Variants in PHYKPL observed in about 807,000 individuals in gnomAD.
PHYKPL encodes 5-phosphonooxy-L-lysine phospho-lyase.
In PHYKPL, 42 loss-of-function variants were observed where a neutral mutation model predicts 51.3. The observed-to-expected ratio is 0.82, with a 90% CI of 0.64 to 1.06. The LOEUF is 1.06. Among genes scored for constraint, PHYKPL ranks in the 50% least tolerant of loss-of-function variants. The pLI is 0.00. For synonymous variants in PHYKPL, 264 were observed against 236.0 expected, an observed-to-expected ratio of 1.12 and a Z score of -1.09; for missense variants, 655 against 586.6, an observed-to-expected ratio of 1.12 and a Z score of -1.20.
chr5:178,218,095 T>G (rs1425572159), intron 8 of PHYKPL, among the ~76,000 whole-genome samples: 1 of 111,510 alleles, frequency 9.0e-6, no homozygotes, highest in Non-Finnish European at 1.8e-5. Context: ...CGGGCGCCTG[T>G]AGTCCCAGCT....
At position 178,230,100 on chromosome 5, in the gene PHYKPL, C is replaced by A; in HGVS notation, c.179-1G>T. 1.2e-6 allele frequency: 2 copies of A among 1,613,766 alleles called. No homozygotes were observed. Among genetic ancestry groups the A allele is most frequent in the Non-Finnish European group, 1.7e-6 (2 of 1,179,942 alleles). On this transcript the variant is annotated splice_acceptor_variant, in intron 2 of 12. Transcript: ENST00000308158. LOFTEE classifies it high-confidence loss of function. ...ACCACGAGAGGGTGGCAGTGCCCAA[C>A]TGGAAGAGGGCCGCCTCCGTCACAC... is the stretch of plus-strand genomic sequence containing the variant.
At chr5:178,210,161 G>T (rs780241934) in intron 12 of PHYKPL, 2 of 1,613,906 alleles carry the variant, frequency 1.2e-6, no homozygotes, top group Non-Finnish European at 8.5e-7. Flanking sequence ...TCAGGGCTAC[G>T]GCAACTACTG....
chr5:178,225,161 C>T (rs1762040359), intron 4 of PHYKPL, among the ~76,000 whole-genome samples, 194 bp downstream of exon 4: 1 of 152,188 alleles, frequency 6.6e-6, no homozygotes, highest in Admixed American at 6.5e-5. Flanking sequence ...CCAGAGCTGC[C>T]TTCCCAGAAT....
At chr5:178,231,863 G>A (rs745624313) in intron 1 of PHYKPL, 16 of 1,333,758 alleles carry the variant, frequency 1.2e-5, no homozygotes, top group African/African-American at 1.5e-5. Flanking sequence ...ATAAGGCCGC[G>A]TGTCTTCGAT....
Position 178,213,016 on chromosome 5 carries a change from G to C in PHYKPL, c.1260C>G (p.Asp420Glu), listed in dbSNP as rs1387372979. 3 of 1,614,202 alleles carry C rather than the reference G, an allele frequency of 1.9e-6. No individual in the cohort carries two copies. The highest frequency in any genetic ancestry group is 2.5e-6 in the Non-Finnish European group (3 of 1,180,034). ...GCTTTGCCACCACCTGCCGTGCATT[G>C]TCCAGGCTGAAGCACATTGGGGGCT... is the stretch of plus-strand genomic sequence containing the variant. ...KFKPPMCFSLDNARQVVAKLD... is the reference protein window; with the variant it reads ...KFKPPMCFSLENARQVVAKLD... The change falls in exon 11 of 13, where the codon GAC becomes GAG. Residue 420 changes from aspartate (D) to glutamate (E), a missense_variant. Coordinates refer to ENST00000308158, the MANE Select transcript of PHYKPL (RefSeq NM_153373.4).
intron 8 of PHYKPL, chr5:178,215,683 T>C (rs1181539860): frequency 4.1e-6 from 2 of 486,586 alleles, no homozygotes; most frequent in Non-Finnish European, 7.2e-6. Context: ...CCCTAGAAGA[T>C]ACAGAATCAG....
chr5:178,210,745 TA>T lies in PHYKPL; in HGVS notation c.*31+1144del. On this transcript the variant is annotated intron_variant, in intron 12 of 12. Transcript: ENST00000308158. The stretch of plus-strand genomic sequence containing the variant: ...TTGCCTGTCCCATGTGCATCTTATT[TA>T]AAATTTCCCCCATGGAAATCACTCT... 2 of 756,112 alleles carry T rather than the reference TA, an allele frequency of 2.6e-6. 1 individual carries two copies. The highest frequency in any genetic ancestry group is 3.1e-5 in the South Asian group (2 of 65,444). The allele number at this position is 756,112 out of a possible 1,614,324, so 46.8% of individuals were successfully genotyped here.
chr5:178,232,814 A>ACGCGCCCCGGGC (rs1434167520), upstream of PHYKPL: 32 of 289,526 alleles, frequency 1.1e-4, no homozygotes, highest in Admixed American at 8.4e-4. Flanking sequence ...TGGTTCCGGG[A>ACGCGCCCCGGGC]CGCGCCCCGG....
intron 3 of PHYKPL, chr5:178,228,698 C>T (rs561639540): frequency 1.5e-6 from 1 of 684,978 alleles, no homozygotes. Flanking sequence ...ACGCCACCAC[C>T]TACGATTTGT....
intron 8 of PHYKPL, among the ~76,000 whole-genome samples, chr5:178,218,216 C>CAAAAAAAAAAAAAAAAAA (rs777929826): frequency 3.4e-5 from 2 of 58,270 alleles, no homozygotes; most frequent in Non-Finnish European, 5.9e-5. Context: ...AACTCCGTCT[C>CAAAAAAAAAAAAAAAAAA]AAAAAAAAAA....
At chr5:178,210,600 C>G in intron 12 of PHYKPL, 2 of 1,614,044 alleles carry the variant, frequency 1.2e-6, no homozygotes, top group Non-Finnish European at 8.5e-7. Context: ...TGGTGGCCAT[C>G]AGAATAACTA....
At chr5:178,225,676 G>C in intron 3 of PHYKPL, 1 of 529,680 alleles carries the variant, frequency 1.9e-6, no homozygotes, top group East Asian at 3.1e-5. Context: ...TGTCATGAAA[G>C]TTGTTTTGAA....
Position 178,232,211 on chromosome 5 carries a change from C to T in PHYKPL, c.59+281G>A. 7.2e-6 allele frequency: 9 copies of T among 1,255,600 alleles called. No homozygotes were observed. The South Asian group carries it at 1.9e-4, about 27-fold the overall frequency. The allele number at this position is 1,255,600 out of a possible 1,614,324, so 77.8% of individuals were successfully genotyped here. ...AGGCTGCCAAGCGAGGCTGACACAGCCGAACAGCGGTGAGGGCGGGGCCGT... is the reference window on the plus strand; with the variant it reads ...AGGCTGCCAAGCGAGGCTGACACAGTCGAACAGCGGTGAGGGCGGGGCCGT... On this transcript the variant is annotated intron_variant, in intron 1 of 12. Transcript: ENST00000308158.
At position 178,222,434 on chromosome 5, in the gene PHYKPL, C is replaced by T; in HGVS notation, c.848G>A (p.Gly283Asp). 2.5e-6 allele frequency: 4 copies of T among 1,614,268 alleles called. No individual in the cohort carries two copies. The highest frequency in any genetic ancestry group is 2.2e-5 in the South Asian group (2 of 91,092). ...IVTMGKSIGN[G>D]HPVACVAATQ... ...TGCGGCCACGCAGGCAACAGGGTGG[C>T]CGTTGCCAATGGACTTGCCCATGGT... Residue 283 changes from glycine to aspartate, a missense_variant, in exon 8 of 13, where the codon GGC becomes GAC. Gly to Asp is a moderately conservative substitution (Grantham distance 94, BLOSUM62 -1). Coordinates refer to ENST00000308158, the MANE Select transcript of PHYKPL (RefSeq NM_153373.4).
downstream of PHYKPL, chr5:178,207,169 G>A: frequency 6.2e-7 from 1 of 1,614,172 alleles, no homozygotes; most frequent in South Asian, 1.1e-5. Flanking sequence ...CTTTAAAGAA[G>A]AAGAACCCGT....
intron 12 of PHYKPL, chr5:178,211,158 C>G (rs1290152734): frequency 6.4e-6 from 1 of 156,606 alleles, no homozygotes; most frequent in Non-Finnish European, 1.4e-5. Flanking sequence ...ATTTAAAAAC[C>G]CCCAAGCCTG....
rs1261257979 is a variant in PHYKPL, at chr5:178,224,442, G to A, written c.618+6C>T. 14 of 1,567,616 alleles carry A rather than the reference G, an allele frequency of 8.9e-6. No homozygotes were observed. Among genetic ancestry groups the A allele is most frequent in the Admixed American group, 7.1e-5 (4 of 56,330 alleles). On this transcript the variant is annotated splice_donor_region_variant and intron_variant, in intron 6 of 12. Transcript: ENST00000308158. ...GGCTGGATTGGACAGGCGCGGACAC[G>A]GTTACCTTCCTGCCCTTCTCCTGTG...
chr5:178,214,366 C>T (rs1321959303), intron 10 of PHYKPL, among the ~76,000 whole-genome samples: 1 of 152,102 alleles, frequency 6.6e-6, no homozygotes, highest in Non-Finnish European at 1.5e-5. Flanking sequence ...CTTGTCCATC[C>T]CAACCACCTG....
chr5:178,232,423 T>C (rs892928521), intron 1 of PHYKPL, 69 bp downstream of exon 1: 3 of 1,361,448 alleles, frequency 2.2e-6, no homozygotes, highest in Non-Finnish European at 1.9e-6. Context: ...CGTGCGTGCG[T>C]GCGTCGTGCG....
Sources: allele counts gnomAD v4.1 joint callset (sites outside exome capture counted in the v4.1 genomes callset), GRCh38; gene constraint gnomAD v4.1.1; transcripts MANE v1.5; gene names NCBI Gene and HGNC (gene_info 2026-07-23, HGNC 2026-07-21).